The following STK32A variants were observed in gnomAD, a reference collection of about 807,000 sequenced individuals.
STK32A encodes the protein serine/threonine kinase 32A.
A neutral mutation model predicts 53.2 loss-of-function variants in STK32A; 41 were observed. The ratio of observed to expected loss-of-function variants is 0.77; its 90% CI spans 0.60 to 1.00. The LOEUF (loss-of-function observed/expected upper bound fraction) is 1.00, where lower values mean the gene tolerates loss of function less well. Among genes scored for constraint, STK32A ranks in the 50% least tolerant of loss-of-function variants. STK32A has a pLI of 0.00. For missense variants in STK32A, 458 were observed against 485.8 expected (o/e 0.94, Z 0.54); for synonymous variants, 166 against 162.8 (o/e 1.02, Z -0.15).
At chr5:147,390,065 A>G (rs1403613889), downstream of STK32A, among the ~76,000 whole-genome samples, 1 of 152,154 alleles carries the variant, frequency 6.6e-6, no homozygotes, top group African/African-American at 2.4e-5. Flanking sequence ...CTGGTAAACT[A>G]GTTTAACTTT....
intron 1 of STK32A, among the ~76,000 whole-genome samples, chr5:147,238,853 C>T (rs11743571): frequency 0.077 from 11,664 of 151,162 alleles, 546 homozygotes; most frequent in Middle Eastern, 0.12. Flanking sequence ...ATAATATATA[C>T]GTTAATATAT....
chr5:147,346,197 TAG>T (rs1429842831), intron 6 of STK32A, among the ~76,000 whole-genome samples: 1 of 152,206 alleles, frequency 6.6e-6, no homozygotes, highest in Non-Finnish European at 1.5e-5. Context: ...GCCTGCCTTT[TAG>T]AGTGTCTGCT....
chr5:147,263,406 T>A (rs1046687739), intron 2 of STK32A, among the ~76,000 whole-genome samples: 1 of 152,126 alleles, frequency 6.6e-6, no homozygotes, highest in Non-Finnish European at 1.5e-5. Context: ...CAACCAAGGA[T>A]TCTCAGGCTT....
At chr5:147,383,356 G>T in intron 11 of STK32A, 85 bp from the exon 12 acceptor site, 1 of 1,109,918 alleles carries the variant, frequency 9.0e-7, no homozygotes, top group South Asian at 1.4e-5. Flanking sequence ...TCATTGAATA[G>T]ACTGTCACCA....
chr5:147,322,798 T>C (rs927270810), intron 4 of STK32A, among the ~76,000 whole-genome samples: 1 of 152,062 alleles, frequency 6.6e-6, no homozygotes, highest in Non-Finnish European at 1.5e-5. Context: ...AATTCTACTC[T>C]CTGTTCTCAT....
the STK32A span, chr5:147,400,977 G>A: frequency 9.0e-7 from 1 of 1,114,704 alleles, no homozygotes; most frequent in Non-Finnish European, 1.2e-6. Flanking sequence ...AGATATATGA[G>A]CTTGGATGAG....
At chr5:147,301,652 T>C (rs572214699) in intron 4 of STK32A, among the ~76,000 whole-genome samples, 25 of 152,336 alleles carry the variant, frequency 1.6e-4, no homozygotes, top group Admixed American at 1.4e-3. Flanking sequence ...CTGTATTTCA[T>C]CACGCAGAAA....
At position 147,289,101 on chromosome 5, in the gene STK32A, T is replaced by C. The variant is rs541255691; in HGVS notation, c.260+9703T>C. Among the ~76,000 whole-genome samples the C allele has an allele frequency of 5.3e-5, 8 of 152,258 alleles. No individual in the cohort carries two copies. The South Asian group carries it at 1.5e-3, about 28-fold the overall frequency. ...CCCCAGGACATCATGGAAAGCTGTATGTGCAGTGTCAAGGGGGTTATCTTC... is the reference window on the plus strand; with the variant it reads ...CCCCAGGACATCATGGAAAGCTGTACGTGCAGTGTCAAGGGGGTTATCTTC... On this transcript the variant is annotated intron_variant, in intron 4 of 12. Coordinates refer to ENST00000397936, the MANE Select transcript of STK32A (RefSeq NM_001112724.2).
downstream of STK32A, among the ~76,000 whole-genome samples, chr5:147,388,022 T>G (rs552843155): frequency 2.0e-3 from 299 of 152,354 alleles, 1 homozygote; most frequent in Non-Finnish European, 3.5e-3. Flanking sequence ...GATGATGTTC[T>G]GCAACTATGG....
In STK32A at chr5:147,317,323, C is replaced by CTTTTTTTTTTTTT. The variant is rs3064294; in HGVS notation, c.261-6563_261-6551dup. Among the ~76,000 whole-genome samples the CTTTTTTTTTTTTT allele has an allele frequency of 4.6e-3, 373 of 81,288 alleles. 11 individuals are homozygous for CTTTTTTTTTTTTT. Among genetic ancestry groups the CTTTTTTTTTTTTT allele is most frequent in the African/African-American group, 8.1e-3 (162 of 20,070 alleles). The allele number at this position is 81,288 out of a possible 152,430, so 53.3% of individuals were successfully genotyped here. A position where few individuals can be genotyped will look rare whatever the true frequency, so the allele number is the denominator to read the frequency against. ...TTAGGGTCTTTTTTTCTTTTTCTTT[C>CTTTTTTTTTTTTT]TTTTTTTTTTTTTTTTTTTTTTTTG... On this transcript the variant is annotated intron_variant, in intron 4 of 12. Coordinates refer to ENST00000397936, the MANE Select transcript of STK32A (RefSeq NM_001112724.2).
chr5:147,331,132 T>A (rs1754850518), intron 5 of STK32A, among the ~76,000 whole-genome samples: 1 of 152,228 alleles, frequency 6.6e-6, no homozygotes, highest in Non-Finnish European at 1.5e-5. Context: ...ACCTCAGGTT[T>A]CTGAAGCCTG....
At chr5:147,377,846 T>C (rs530297665) in intron 11 of STK32A, among the ~76,000 whole-genome samples, 14 of 152,294 alleles carry the variant, frequency 9.2e-5, no homozygotes, top group African/African-American at 2.9e-4. Context: ...GCTTGTTTTT[T>C]TGATGTTTCT....
intron 4 of STK32A, among the ~76,000 whole-genome samples, chr5:147,312,946 A>G (rs1753775221): frequency 6.6e-6 from 1 of 151,996 alleles, no homozygotes; most frequent in African/African-American, 2.4e-5. Flanking sequence ...ACAGTGGGCC[A>G]GTACTACTAC....
Position 147,348,081 on chromosome 5 carries a change from T to C in STK32A, c.473-2984T>C, listed in dbSNP as rs116262602. 2.8e-3 allele frequency among the ~76,000 whole-genome samples: 428 copies of C among 152,322 alleles called. 4 individuals are homozygous for C. Among genetic ancestry groups the C allele is most frequent in the African/African-American group, 9.9e-3 (412 of 41,568 alleles). On this transcript the variant is annotated intron_variant, in intron 6 of 12. Transcript: ENST00000397936. ...CACAAAGTTTTTGGTAGATTCATAG[T>C]CTGACAAAGGGATTCTAGACAAAAT...
At chr5:147,255,140 AC>A (rs1215731255) in intron 2 of STK32A, among the ~76,000 whole-genome samples, 1 of 152,192 alleles carries the variant, frequency 6.6e-6, no homozygotes, top group Non-Finnish European at 1.5e-5. Flanking sequence ...CACCTCAAAA[AC>A]AAAACAAAAA....
intron 6 of STK32A, among the ~76,000 whole-genome samples, chr5:147,346,953 CA>C (rs1160065307): frequency 6.6e-6 from 1 of 152,162 alleles, no homozygotes; most frequent in Non-Finnish European, 1.5e-5. Flanking sequence ...TGCAGAGTCT[CA>C]AAATGTACCA....
At chr5:147,399,357 A>T in the STK32A span, 1 of 1,320,122 alleles carries the variant, frequency 7.6e-7, no homozygotes. Flanking sequence ...AGAAATACAA[A>T]AAGGAGCCAC....
At chr5:147,389,737 G>A (rs1314056020), downstream of STK32A, among the ~76,000 whole-genome samples, 2 of 152,124 alleles carry the variant, frequency 1.3e-5, no homozygotes, top group Non-Finnish European at 2.9e-5. Flanking sequence ...GGGTTGTGGT[G>A]GCGCGTGCCT....
intron 2 of STK32A, among the ~76,000 whole-genome samples, chr5:147,248,225 C>G (rs1124213): frequency 0.093 from 14,140 of 152,010 alleles, 731 homozygotes; most frequent in Admixed American, 0.14. Flanking sequence ...TTTGCTGACT[C>G]CTGCTCTAAG....
Sources: gnomAD v4.1 joint callset for allele counts (sites outside exome capture counted in the v4.1 genomes callset) on GRCh38, gnomAD v4.1.1 for gene constraint, MANE v1.5 for transcripts, NCBI Gene and HGNC (gene_info 2026-07-23, HGNC 2026-07-21) for gene names.